The following CPVL variants were observed in gnomAD, a reference collection of about 807,000 sequenced individuals.
CPVL encodes carboxypeptidase vitellogenic like.
A neutral mutation model predicts 63.7 loss-of-function variants in CPVL; 51 were observed. The ratio of observed to expected loss-of-function variants is 0.80; its 90% confidence interval spans 0.64 to 1.01. CPVL has a LOEUF of 1.01. Among genes scored for constraint, CPVL ranks in the 50% least tolerant of loss-of-function variants. The pLI is 0.00. For missense variants in CPVL, 530 were observed against 573.1 expected, an observed-to-expected ratio of 0.92 and a Z score of 0.77; for synonymous variants, 195 against 206.0, an observed-to-expected ratio of 0.95 and a Z score of 0.46.
intron 11 of CPVL, among the ~76,000 whole-genome samples, 194 bp downstream of exon 11, chr7:29,063,867 G>T (rs632812): frequency 2.0e-5 from 3 of 151,896 alleles, no homozygotes; most frequent in African/African-American, 4.8e-5. Flanking sequence ...TCACCACAAC[G>T]GCAAAAGTGG....
At chr7:29,147,083 T>A, upstream of CPVL, 1 of 1,307,586 alleles carries the variant, frequency 7.6e-7, no homozygotes, top group Non-Finnish European at 1.0e-6. Flanking sequence ...GGACACAAAC[T>A]AAGTGAGGTT....
intron 7 of CPVL, among the ~76,000 whole-genome samples, chr7:29,083,209 C>T (rs1784905565): frequency 6.6e-6 from 1 of 152,220 alleles, no homozygotes; most frequent in African/African-American, 2.4e-5. Context: ...AAAACTCGGA[C>T]CATTTTTCTC....
intron 7 of CPVL, among the ~76,000 whole-genome samples, chr7:29,078,689 A>G (rs577439352): frequency 2.6e-5 from 4 of 152,294 alleles, no homozygotes; most frequent in Admixed American, 2.6e-4. Flanking sequence ...ATTTCCAACA[A>G]AGCTTATAAT....
In CPVL at chr7:29,003,474, A is replaced by G. The variant is rs149354779; in HGVS notation, c.1321-7592T>C. ...ACCTGCACTAAAAGAAGTACGAAAG[A>G]CTGTTCTTCAGACAGAAGGAAAATT... On this transcript the variant is annotated intron_variant, in intron 12 of 12. Transcript: ENST00000265394. Among the ~76,000 whole-genome samples the G allele has an allele frequency of 1.4e-3, 219 of 152,340 alleles. 1 individual carries two copies. The highest frequency in any genetic ancestry group is 5.1e-3 in the African/African-American group (211 of 41,588).
intron 11 of CPVL, among the ~76,000 whole-genome samples, chr7:29,042,113 G>A (rs1008556902): frequency 2.0e-5 from 3 of 152,148 alleles, no homozygotes; most frequent in Admixed American, 6.5e-5. Context: ...CACTCTCGGA[G>A]GAGCGGTCTG....
intron 12 of CPVL, among the ~76,000 whole-genome samples, chr7:29,026,615 A>G (rs537729073): frequency 1.3e-5 from 2 of 152,228 alleles, no homozygotes; most frequent in African/African-American, 4.8e-5. Context: ...CAAGAAAAAA[A>G]GAGAGAAAAC....
intron 7 of CPVL, among the ~76,000 whole-genome samples, chr7:29,077,952 T>C (rs890648572): frequency 6.6e-6 from 1 of 152,194 alleles, no homozygotes; most frequent in Non-Finnish European, 1.5e-5. Flanking sequence ...AGTACCATTA[T>C]TTTCTCTGAA....
intron 7 of CPVL, among the ~76,000 whole-genome samples, chr7:29,075,098 T>C (rs1784113442): frequency 6.6e-6 from 1 of 152,180 alleles, no homozygotes; most frequent in Non-Finnish European, 1.5e-5. Context: ...TTTCTTGTTA[T>C]AAGACCTGGT....
intron 7 of CPVL, 55 bp downstream of exon 7, chr7:29,086,429 A>G: frequency 8.3e-7 from 1 of 1,208,264 alleles, no homozygotes; most frequent in Non-Finnish European, 1.2e-6. Flanking sequence ...CACTCATAAT[A>G]TATGTCAGTT....
intron 9 of CPVL, among the ~76,000 whole-genome samples, chr7:29,068,311 G>A (rs188810725): frequency 1.8e-4 from 27 of 152,176 alleles, no homozygotes; most frequent in African/African-American, 6.3e-4. Flanking sequence ...CACCGCCCCC[G>A]GCCTGTATTC....
chr7:29,163,195 A>G (rs1472475278), intron 5 of CPVL, among the ~76,000 whole-genome samples: 1 of 152,184 alleles, frequency 6.6e-6, no homozygotes, highest in East Asian at 1.9e-4. Context: ...TGTTTGATAT[A>G]TGAATCTGTT....
In CPVL at chr7:29,005,199, A is replaced by G. The variant is rs542117546; in HGVS notation, c.1321-9317T>C. On this transcript the variant is annotated intron_variant, in intron 12 of 12. Coordinates refer to ENST00000265394, the MANE Select transcript of CPVL (RefSeq NM_031311.5). The stretch of plus-strand genomic sequence containing the variant: ...ACCCATCGCGCCTGGCCCATTACAA[A>G]TATGTCTTAAGTTTGTACCATGTGC... 5.9e-5 allele frequency among the ~76,000 whole-genome samples: 9 copies of G among 152,190 alleles called. No individual in the cohort carries two copies. In the South Asian group the frequency reaches 6.2e-4, roughly 11 times the overall value.
intron 9 of CPVL, 66 bp downstream of exon 9, chr7:29,071,707 T>TCTGCC: frequency 2.3e-6 from 2 of 867,446 alleles, no homozygotes; most frequent in Non-Finnish European, 1.8e-6. Context: ...GTGTTCCTGC[T>TCTGCC]CACCCGCCCT....
chr7:29,118,457 T>C (rs79548812), intron 2 of CPVL, among the ~76,000 whole-genome samples: 8,229 of 152,302 alleles, frequency 0.054, 710 homozygotes, highest in African/African-American at 0.18. Context: ...TCAGCCCATA[T>C]GGTGGGGCAG....
In CPVL at chr7:29,071,879, A is replaced by T; in HGVS notation, c.758T>A (p.Leu253Gln). The change falls in exon 9 of 13, where the codon CTG (leucine) becomes CAG (glutamine). Residue 253 changes from leucine (L) to glutamine (Q), a missense_variant. Physicochemically the swap from Leu to Gln is moderately radical, Grantham distance 113 (BLOSUM62 -2). Coordinates refer to ENST00000265394, the MANE Select transcript of CPVL (RefSeq NM_031311.5). ...ESIIGGYAEFLYQIGLLDEKQ... is the reference protein window; with the variant it reads ...ESIIGGYAEFQYQIGLLDEKQ... The stretch of plus-strand genomic sequence containing the variant: ...CTCATCCAACAAGCCAATTTGGTAC[A>T]GGAATTCTGCATAGCCCCCTATAAT... The T allele has an allele frequency of 6.2e-7, 1 of 1,614,182 alleles. No individual in the cohort carries two copies. Among genetic ancestry groups the T allele is most frequent in the African/African-American group, 1.3e-5 (1 of 75,064 alleles).
chr7:29,141,723 T>G (rs889709194), intron 1 of CPVL, among the ~76,000 whole-genome samples: 2 of 152,100 alleles, frequency 1.3e-5, no homozygotes, highest in African/African-American at 4.8e-5. Context: ...GAGACCATCC[T>G]GGCCAACGTG....
At position 29,086,504 on chromosome 7, in the gene CPVL, CATT is replaced by C. The variant is rs1347212698; in HGVS notation, c.586_588del (p.Asn196del). ...CTTACCTCCCCAGTGACATAAAAGT[CATT>C]ATTTTTATATTCAGGAAATATCTGG... On this transcript the variant is annotated inframe_deletion, in exon 7 of 13. Coordinates refer to ENST00000265394, the MANE Select transcript of CPVL (RefSeq NM_031311.5). 5 of 1,612,028 alleles carry C rather than the reference CATT, an allele frequency of 3.1e-6. No homozygotes were observed. Among genetic ancestry groups the C allele is most frequent in the Non-Finnish European group, 4.2e-6 (5 of 1,178,260 alleles).
intron 4 of CPVL, 60 bp downstream of exon 4, chr7:29,096,043 G>A: frequency 4.6e-6 from 6 of 1,298,834 alleles, no homozygotes; most frequent in Non-Finnish European, 5.6e-6. Flanking sequence ...ATTAGTTTTG[G>A]AGCAGGTATG....
intron 9 of CPVL, 115 bp downstream of exon 9, chr7:29,071,658 A>C: frequency 8.6e-7 from 1 of 1,157,444 alleles, no homozygotes; most frequent in Non-Finnish European, 1.2e-6. Flanking sequence ...ATGGAATAAC[A>C]GATATACCTT....
Sources: allele counts gnomAD v4.1 joint callset (sites outside exome capture counted in the v4.1 genomes callset), GRCh38; gene constraint gnomAD v4.1.1; transcripts MANE v1.5; gene names NCBI Gene and HGNC (gene_info 2026-07-23, HGNC 2026-07-21).